The following LYST variants were observed in gnomAD, a reference collection of about 807,000 sequenced individuals.
LYST encodes lysosomal-trafficking regulator.
Under a neutral mutation model 413.6 loss-of-function variants are expected in LYST, and 192 were observed. That is an observed-to-expected ratio of 0.46 (90% CI 0.41 to 0.52). The LOEUF (loss-of-function observed/expected upper bound fraction) is 0.52, where lower values mean the gene tolerates loss of function less well. LYST is among the 20% of genes least tolerant of loss of function. The probability of loss-of-function intolerance (pLI) is 0.00; values close to 1 mark genes in which losing one functional copy is unlikely to be tolerated. For missense variants in LYST, 3,815 were observed against 4,499.9 expected (o/e 0.85, Z 4.35); for synonymous variants, 1,525 against 1,567.3 (o/e 0.97, Z 0.64).
chr1:235,684,005 T>G (rs1413733407), intron 48 of LYST, among the ~76,000 whole-genome samples: 1 of 152,208 alleles, frequency 6.6e-6, no homozygotes, highest in East Asian at 1.9e-4. Context: ...TTTGATTACC[T>G]AATACTTAGG....
chr1:235,752,381 C>A (rs975886485), intron 26 of LYST, among the ~76,000 whole-genome samples: 1 of 152,010 alleles, frequency 6.6e-6, no homozygotes, highest in African/African-American at 2.4e-5. Flanking sequence ...CACTTTGACA[C>A]CTGTCAGAAA....
At chr1:235,772,023 G>A (rs1358815257) in intron 19 of LYST, among the ~76,000 whole-genome samples, 1 of 146,606 alleles carries the variant, frequency 6.8e-6, no homozygotes, top group African/African-American at 2.5e-5. Context: ...AGGAGTTTGA[G>A]ACCAGCCTGG....
At chr1:235,819,585 C>A (rs1271872822) in intron 3 of LYST, among the ~76,000 whole-genome samples, 2 of 152,180 alleles carry the variant, frequency 1.3e-5, no homozygotes, top group Non-Finnish European at 2.9e-5. Flanking sequence ...CCATTCCCTG[C>A]TATTTCTAGA....
chr1:235,849,775 CAAAAAAAAAAAA>C (rs57262471), intron 1 of LYST, among the ~76,000 whole-genome samples: 1 of 61,842 alleles, frequency 1.6e-5, no homozygotes, highest in Non-Finnish European at 3.3e-5. Context: ...ACAATAGCTC[CAAAAAAAAAAAA>C]AAAAAAAAAA....
rs527809107 is a variant in LYST at position 235,818,165 on chromosome 1, T to A, written c.193-5104A>T. Among the ~76,000 whole-genome samples, 268 of 152,232 alleles carry A rather than the reference T, an allele frequency of 1.8e-3. 1 individual carries two copies. The highest frequency in any genetic ancestry group is 2.9e-3 in the Non-Finnish European group (197 of 68,020). ...AGGAATTATATATTACAACTTTTTTTAAAAAAGAAAGAAGGAGAGTGGCTG... is the reference window on the plus strand; with the variant it reads ...AGGAATTATATATTACAACTTTTTTAAAAAAAGAAAGAAGGAGAGTGGCTG... On this transcript the variant is annotated intron_variant, in intron 3 of 52. Coordinates refer to ENST00000389793, the MANE Select transcript of LYST (RefSeq NM_000081.4).
At chr1:235,783,078 G>A (rs547388921) in intron 14 of LYST, among the ~76,000 whole-genome samples, 1 of 152,252 alleles carries the variant, frequency 6.6e-6, no homozygotes, top group South Asian at 2.1e-4. Flanking sequence ...CCTAATTTAG[G>A]AATGTTTTAA....
At position 235,754,747 on chromosome 1, in the gene LYST, G is replaced by C. The variant is rs371026680; in HGVS notation, c.7229+731C>G. On this transcript the variant is annotated intron_variant, in intron 25 of 52. Transcript: ENST00000389793. ...TTTCTAAAGGTGACCAAAAGATTTC[G>C]TTAAGAGTGAGTTCACTAAATTTTA... Among the ~76,000 whole-genome samples the C allele has an allele frequency of 3.4e-4, 51 of 152,142 alleles. No homozygotes were observed. In the South Asian group the frequency reaches 6.9e-3, roughly 20 times the overall value.
At chr1:235,673,090 C>T (rs574058552) in intron 50 of LYST, among the ~76,000 whole-genome samples, 1 of 152,234 alleles carries the variant, frequency 6.6e-6, no homozygotes, top group East Asian at 1.9e-4. Flanking sequence ...GTAATCCAAA[C>T]TGCTGAAAAA....
At position 235,677,846 on chromosome 1, in the gene LYST, A is replaced by G. The variant is rs1659506109; in HGVS notation, c.10801-227T>C. 2.0e-5 allele frequency among the ~76,000 whole-genome samples: 3 copies of G among 152,160 alleles called. No homozygotes were observed. In the South Asian group the frequency reaches 6.2e-4, roughly 31 times the overall value. Reference sequence around the variant, plus strand: ...TCTATTCTTGTCCAATCTTTGTTCAAATATACATGTATTTTTATAGTTGTA... The same window carrying G: ...TCTATTCTTGTCCAATCTTTGTTCAGATATACATGTATTTTTATAGTTGTA... On this transcript the variant is annotated intron_variant, in intron 48 of 52. Coordinates refer to ENST00000389793, the MANE Select transcript of LYST (RefSeq NM_000081.4).
intron 12 of LYST, among the ~76,000 whole-genome samples, chr1:235,790,127 T>G (rs988171444): frequency 6.6e-6 from 1 of 152,150 alleles, no homozygotes; most frequent in Non-Finnish European, 1.5e-5. Flanking sequence ...AAATAAAAAT[T>G]AAGAAAAAAC....
chr1:235,872,295 CAAAAAAAAA>C (rs3077214), intron 1 of LYST, among the ~76,000 whole-genome samples: 3 of 107,674 alleles, frequency 2.8e-5, no homozygotes, highest in East Asian at 5.5e-4. Flanking sequence ...CATTCTGTCT[CAAAAAAAAA>C]AAAAAAAAAA....
rs1057334099 is a variant in LYST, at chr1:235,722,887, A to G, written c.9315+1141T>C. ...CATCATATAACCAAGGCTTTCCTTT[A>G]ATTAGGACTAAGAAATATGGCAATT... On this transcript the variant is annotated intron_variant, in intron 39 of 52. Transcript: ENST00000389793. 3.9e-5 allele frequency among the ~76,000 whole-genome samples: 6 copies of G among 152,214 alleles called. No individual in the cohort carries two copies. The East Asian group carries it at 1.2e-3, about 29-fold the overall frequency.
chr1:235,832,664 T>A (rs560628399), intron 2 of LYST, among the ~76,000 whole-genome samples: 8 of 152,168 alleles, frequency 5.3e-5, no homozygotes, highest in Non-Finnish European at 1.2e-4. Context: ...ATATTATAGT[T>A]TACTATGTAG....
intron 46 of LYST, among the ~76,000 whole-genome samples, chr1:235,696,878 G>A (rs1661148849): frequency 6.6e-6 from 1 of 152,112 alleles, no homozygotes; most frequent in African/African-American, 2.4e-5. Context: ...TCCCCTTCAA[G>A]TTCCTCCTCT....
At chr1:235,856,177 T>G (rs957939687) in intron 1 of LYST, among the ~76,000 whole-genome samples, 1 of 152,150 alleles carries the variant, frequency 6.6e-6, no homozygotes, top group Admixed American at 6.5e-5. Context: ...TGTAGACTTG[T>G]ATAAAGAAAA....
At chr1:235,715,709 G>C (rs1237146886) in intron 41 of LYST, among the ~76,000 whole-genome samples, 1 of 152,142 alleles carries the variant, frequency 6.6e-6, no homozygotes, top group Non-Finnish European at 1.5e-5. Flanking sequence ...TCTGTCACTA[G>C]AGATGTCTTC....
At chr1:235,774,533 G>A (rs1391075726) in intron 18 of LYST, among the ~76,000 whole-genome samples, 3 of 152,156 alleles carry the variant, frequency 2.0e-5, no homozygotes, top group Non-Finnish European at 4.4e-5. Context: ...TGTAGCAGCA[G>A]TGCCTAATGG....
At chr1:235,715,415 A>G in intron 41 of LYST, 58 bp from the exon 42 acceptor site, 1 of 1,551,342 alleles carries the variant, frequency 6.4e-7, no homozygotes, top group Non-Finnish European at 8.9e-7. Flanking sequence ...CAACGCTAGA[A>G]AAGTGCTGGA....
Position 235,724,070 on chromosome 1 carries a change from T to C in LYST, c.9273A>G (p.Leu3091=), listed in dbSNP as rs753678420. 3.1e-6 allele frequency: 5 copies of C among 1,613,864 alleles called. No individual in the cohort carries two copies. The highest frequency in any genetic ancestry group is 4.2e-6 in the Non-Finnish European group (5 of 1,179,740). The change falls in exon 39 of 53, where the codon CTA becomes CTG. Residue 3091 remains leucine, a synonymous_variant. Transcript: ENST00000389793. ...CCAACAGGAGTGTTCTGCCATTTGT[T>C]AGAAAGATTTCTACAGCATTATCTC... ...QLRDNAVEIF[L]TNGRTLLLAF...
Sources: gnomAD v4.1 joint callset for allele counts (sites outside exome capture counted in the v4.1 genomes callset) on GRCh38, gnomAD v4.1.1 for gene constraint, MANE v1.5 for transcripts, NCBI Gene and HGNC (gene_info 2026-07-23, HGNC 2026-07-21) for gene names.